The following RBFOX1 variants were observed in gnomAD, a reference collection of about 807,000 sequenced individuals.
RBFOX1 encodes RNA binding fox-1 homolog 1, also known as RNA binding protein fox-1 homolog 1.
A neutral mutation model predicts 57.7 loss-of-function variants in RBFOX1; 8 were observed. That is an observed-to-expected ratio of 0.14 (90% CI 0.08 to 0.25). The LOEUF (loss-of-function observed/expected upper bound fraction) is 0.25. Among genes scored for constraint, RBFOX1 ranks in the 10% least tolerant of loss-of-function variants. RBFOX1 has a pLI of 1.00. For synonymous variants in RBFOX1, 326 were observed against 222.4 expected, an observed-to-expected ratio of 1.47 and a Z score of -4.15; for missense variants, 611 against 548.5, an observed-to-expected ratio of 1.11 and a Z score of -1.14.
At chr16:7,084,670 C>G (rs527363778) in intron 4 of RBFOX1, among the ~76,000 whole-genome samples, 8 of 152,186 alleles carry the variant, frequency 5.3e-5, no homozygotes, top group Non-Finnish European at 8.8e-5. Context: ...TGATTGGTCT[C>G]CTGTGCTCAC....
intron 2 of RBFOX1, among the ~76,000 whole-genome samples, chr16:6,445,018 G>C (rs28662968): frequency 0.26 from 39,248 of 151,898 alleles, 5,142 homozygotes; most frequent in Middle Eastern, 0.31. Flanking sequence ...AAGTATTCCA[G>C]GCAGGAGATG....
intron 3 of RBFOX1, among the ~76,000 whole-genome samples, chr16:5,669,183 C>G (rs373401401): frequency 2.0e-5 from 3 of 152,080 alleles, no homozygotes; most frequent in Admixed American, 1.3e-4. Flanking sequence ...AATCTGGATG[C>G]TCTAATGATG....
At chr16:7,067,101 G>C (rs1355884542) in intron 4 of RBFOX1, among the ~76,000 whole-genome samples, 1 of 152,182 alleles carries the variant, frequency 6.6e-6, no homozygotes, top group Non-Finnish European at 1.5e-5. Flanking sequence ...CATATCTGAA[G>C]GGGAACTCAT....
At chr16:6,891,723 G>A (rs12448214) in intron 3 of RBFOX1, among the ~76,000 whole-genome samples, 30,297 of 152,072 alleles carry the variant, frequency 0.2, 3,230 homozygotes, top group East Asian at 0.28. Context: ...ATCTGAACGT[G>A]GAACGCAGCA....
chr16:6,702,447 G>T (rs2062000560), intron 3 of RBFOX1, among the ~76,000 whole-genome samples: 1 of 152,098 alleles, frequency 6.6e-6, no homozygotes, highest in African/African-American at 2.4e-5. Context: ...CCAGCTACTT[G>T]GGAGGCTGAG....
At chr16:7,352,493 C>G (rs2097146153) in intron 4 of RBFOX1, among the ~76,000 whole-genome samples, 1 of 152,176 alleles carries the variant, frequency 6.6e-6, no homozygotes, top group African/African-American at 2.4e-5. Flanking sequence ...TCTGTCACCA[C>G]TAAACGCTTA....
intron 2 of RBFOX1, among the ~76,000 whole-genome samples, chr16:6,586,269 T>A (rs1476966): frequency 1.3e-5 from 2 of 152,044 alleles, no homozygotes; most frequent in Non-Finnish European, 2.9e-5. Context: ...TTTGAACCAC[T>A]CGTCTTACAA....
chr16:7,587,007 A>G (rs912439226), intron 6 of RBFOX1, among the ~76,000 whole-genome samples: 1 of 152,202 alleles, frequency 6.6e-6, no homozygotes, highest in Non-Finnish European at 1.5e-5. Context: ...AAAAAAGAAA[A>G]ATAGAATTAA....
At chr16:7,194,456 G>A (rs1156417909) in intron 4 of RBFOX1, among the ~76,000 whole-genome samples, 5 of 152,130 alleles carry the variant, frequency 3.3e-5, no homozygotes, top group Non-Finnish European at 5.9e-5. Flanking sequence ...AGTGACTTTG[G>A]CAGTGGAACG....
chr16:7,316,716 C>G (rs984457206), intron 4 of RBFOX1, among the ~76,000 whole-genome samples: 1 of 151,952 alleles, frequency 6.6e-6, no homozygotes, highest in African/African-American at 2.4e-5. Flanking sequence ...GAAGTGACAT[C>G]AAAGCTGAGA....
At chr16:5,993,963 T>G (rs1381352231) in intron 4 of RBFOX1, among the ~76,000 whole-genome samples, 1 of 152,166 alleles carries the variant, frequency 6.6e-6, no homozygotes, top group Non-Finnish European at 1.5e-5. Flanking sequence ...ACTTTGCTGC[T>G]GGGGATGTTG....
At chr16:5,551,407 T>C (rs1002515515) in intron 2 of RBFOX1, among the ~76,000 whole-genome samples, 1 of 152,192 alleles carries the variant, frequency 6.6e-6, no homozygotes, top group African/African-American at 2.4e-5. Context: ...GCTGCTAGTA[T>C]ATGCACAGGG....
intron 3 of RBFOX1, among the ~76,000 whole-genome samples, chr16:6,978,214 AAAT>A (rs1317709963): frequency 3.3e-4 from 50 of 152,154 alleles, no homozygotes; most frequent in Non-Finnish European, 6.9e-4. Flanking sequence ...TTGCAGTTCG[AAAT>A]GCTTCTTGAA....
At chr16:7,127,010 CAAAAAAA>C (rs4035897) in intron 4 of RBFOX1, among the ~76,000 whole-genome samples, 5 of 129,204 alleles carry the variant, frequency 3.9e-5, no homozygotes, top group African/African-American at 1.5e-4. Context: ...GAATCCGTCT[CAAAAAAA>C]AAAAAAAAAA....
chr16:7,240,081 C>G (rs1016272178), intron 4 of RBFOX1, among the ~76,000 whole-genome samples: 1 of 152,156 alleles, frequency 6.6e-6, no homozygotes, highest in African/African-American at 2.4e-5. Flanking sequence ...ATTCTCCTGC[C>G]TCAGACTCTT....
intron 2 of RBFOX1, among the ~76,000 whole-genome samples, chr16:5,535,358 A>C (rs1304410482): frequency 1.3e-5 from 2 of 152,210 alleles, no homozygotes; most frequent in African/African-American, 4.8e-5. Context: ...ATTCATTTCC[A>C]ATTGTAAGCC....
intron 3 of RBFOX1, among the ~76,000 whole-genome samples, chr16:6,802,506 G>A (rs1050967597): frequency 6.6e-6 from 1 of 152,046 alleles, no homozygotes; most frequent in African/African-American, 2.4e-5. Flanking sequence ...GCAAAACCCT[G>A]TCTCTACTTA....
chr16:5,310,350 G>A (rs34056745), intron 1 of RBFOX1, among the ~76,000 whole-genome samples: 14,565 of 151,966 alleles, frequency 0.096, 723 homozygotes, highest in Middle Eastern at 0.14. Context: ...GCAGTGAGCC[G>A]AGATCATGCC....
chr16:5,564,381 C>G (rs144498963), intron 2 of RBFOX1, among the ~76,000 whole-genome samples: 2 of 152,230 alleles, frequency 1.3e-5, no homozygotes, highest in East Asian at 3.9e-4. Flanking sequence ...ATGATGTTGT[C>G]TTTCTGGGTT....
Sources: allele counts gnomAD v4.1 joint callset (sites outside exome capture counted in the v4.1 genomes callset), GRCh38; gene constraint gnomAD v4.1.1; transcripts MANE v1.5; gene names NCBI Gene and HGNC (gene_info 2026-07-23, HGNC 2026-07-21).